The following SPMIP2 variants were observed in gnomAD, a reference collection of about 807,000 sequenced individuals.
SPMIP2 encodes protein SPMIP2.
chr4:158,966,034 A>G, the SPMIP2 span, among the ~76,000 whole-genome samples: 2 of 152,214 alleles, frequency 1.3e-5, no homozygotes, highest in East Asian at 3.8e-4. Flanking sequence ...AACTTCCACA[A>G]AGAAACTTTC....
the SPMIP2 span, among the ~76,000 whole-genome samples, chr4:159,032,978 A>G: frequency 3.3e-5 from 5 of 152,314 alleles, no homozygotes; most frequent in Admixed American, 6.5e-5. Flanking sequence ...AAACATATCC[A>G]TGCAAAAGGC....
At chr4:158,991,370 G>C in the SPMIP2 span, among the ~76,000 whole-genome samples, 6 of 152,250 alleles carry the variant, frequency 3.9e-5, no homozygotes, top group Admixed American at 2.0e-4. Context: ...TTAAATCAGG[G>C]AGCTCAGTAT....
chr4:158,988,299 A>C, the SPMIP2 span, among the ~76,000 whole-genome samples: 4 of 152,208 alleles, frequency 2.6e-5, no homozygotes, highest in Non-Finnish European at 5.9e-5. Flanking sequence ...TCACAGCCAA[A>C]TTCTACCAGA....
chr4:158,988,126 A>G, the SPMIP2 span, among the ~76,000 whole-genome samples: 2 of 152,200 alleles, frequency 1.3e-5, no homozygotes, highest in Non-Finnish European at 2.9e-5. Flanking sequence ...GTACGCAAAT[A>G]AACTAGAAAA....
the SPMIP2 span, among the ~76,000 whole-genome samples, chr4:158,986,657 A>C: frequency 8.7e-4 from 133 of 152,346 alleles, no homozygotes; most frequent in Non-Finnish European, 1.6e-3. Flanking sequence ...CTTAAATATT[A>C]GACCTAAAAC....
At chr4:158,986,404 C>A in the SPMIP2 span, among the ~76,000 whole-genome samples, 1 of 152,150 alleles carries the variant, frequency 6.6e-6, no homozygotes. Flanking sequence ...GCTACAGTAA[C>A]CAAAACACCA....
chr4:159,035,914 A>G, the SPMIP2 span, among the ~76,000 whole-genome samples: 5 of 152,172 alleles, frequency 3.3e-5, no homozygotes, highest in Non-Finnish European at 5.9e-5. Context: ...TCACCACTTC[A>G]ATTATTTGTC....
chr4:159,042,331 G>C, the SPMIP2 span, among the ~76,000 whole-genome samples: 2 of 152,176 alleles, frequency 1.3e-5, no homozygotes, highest in Non-Finnish European at 2.9e-5. Flanking sequence ...TGACTTGGCT[G>C]CTGCTCAAAC....
the SPMIP2 span, among the ~76,000 whole-genome samples, chr4:158,979,884 C>T: frequency 6.7e-6 from 1 of 149,400 alleles, no homozygotes; most frequent in Admixed American, 6.7e-5. Context: ...GGGCTGAAGC[C>T]AGGGAACCAA....
At chr4:159,016,447 T>A in the SPMIP2 span, among the ~76,000 whole-genome samples, 1 of 152,236 alleles carries the variant, frequency 6.6e-6, no homozygotes, top group African/African-American at 2.4e-5. Context: ...GTGTTACTTT[T>A]TCATGTTAAT....
chr4:159,080,242 G>T, the SPMIP2 span, among the ~76,000 whole-genome samples: 1 of 151,332 alleles, frequency 6.6e-6, no homozygotes, highest in Non-Finnish European at 1.5e-5. Flanking sequence ...ATTTTAAGAT[G>T]GTCTCACTCC....
the SPMIP2 span, among the ~76,000 whole-genome samples, chr4:159,046,640 T>G: frequency 6.6e-6 from 1 of 152,224 alleles, no homozygotes; most frequent in Non-Finnish European, 1.5e-5. Context: ...TGGCACAATC[T>G]TGGCTCACCG....
At chr4:158,983,569 G>A in the SPMIP2 span, among the ~76,000 whole-genome samples, 1 of 98,252 alleles carries the variant, frequency 1.0e-5, no homozygotes. Context: ...CTTCATAAGT[G>A]AAGGAGAAAT....
chr4:159,047,785 A>G, the SPMIP2 span, among the ~76,000 whole-genome samples: 2 of 152,242 alleles, frequency 1.3e-5, no homozygotes, highest in African/African-American at 2.4e-5. Flanking sequence ...CTCTGGGTCT[A>G]CACAGCACAA....
At chr4:159,079,852 T>TA in the SPMIP2 span, among the ~76,000 whole-genome samples, 10 of 152,122 alleles carry the variant, frequency 6.6e-5, no homozygotes, top group African/African-American at 2.4e-4. Context: ...AGAGTGTTTT[T>TA]AAAAAACACT....
the SPMIP2 span, among the ~76,000 whole-genome samples, chr4:158,979,089 G>C: frequency 6.6e-6 from 1 of 152,322 alleles, no homozygotes; most frequent in Non-Finnish European, 1.5e-5. Context: ...AATCTAGAGA[G>C]GCAGTCTGGC....
the SPMIP2 span, among the ~76,000 whole-genome samples, chr4:158,897,737 A>C: frequency 6.6e-6 from 1 of 152,190 alleles, no homozygotes; most frequent in Non-Finnish European, 1.5e-5. Context: ...TCTGGATATT[A>C]GCCCTTTATC....
At chr4:158,946,799 C>T in the SPMIP2 span, among the ~76,000 whole-genome samples, 1 of 152,212 alleles carries the variant, frequency 6.6e-6, no homozygotes, top group Non-Finnish European at 1.5e-5. Flanking sequence ...ATGTATTAGG[C>T]TGTTTCTATC....
the SPMIP2 span, among the ~76,000 whole-genome samples, chr4:158,954,984 G>C: frequency 6.6e-6 from 1 of 151,898 alleles, no homozygotes; most frequent in African/African-American, 2.4e-5. Context: ...TAGAAATACT[G>C]TAGGTATACA....
Sources: allele counts gnomAD v4.1 joint callset (sites outside exome capture counted in the v4.1 genomes callset), GRCh38; gene constraint gnomAD v4.1.1; transcripts MANE v1.5; gene names NCBI Gene and HGNC (gene_info 2026-07-23, HGNC 2026-07-21).